The following SHQ1 variants were observed in gnomAD, a reference collection of about 807,000 sequenced individuals.
SHQ1 encodes SHQ1, H/ACA ribonucleoprotein assembly factor, also known as protein SHQ1 homolog.
Under a neutral mutation model 53.8 loss-of-function variants are expected in SHQ1, and 49 were observed. The ratio of observed to expected loss-of-function variants is 0.91; its 90% CI spans 0.72 to 1.16. The LOEUF (loss-of-function observed/expected upper bound fraction) is 1.16, where lower values mean the gene tolerates loss of function less well. SHQ1 is among the 50% of genes most tolerant of loss of function. The probability of loss-of-function intolerance (pLI) is 0.00; values close to 1 mark genes in which losing one functional copy is unlikely to be tolerated. For synonymous variants in SHQ1, 243 were observed against 251.0 expected (o/e 0.97, Z 0.30); for missense variants, 738 against 683.1 (o/e 1.08, Z -0.90).
At chr3:72,846,766 G>T (rs1212662130) in intron 1 of SHQ1, among the ~76,000 whole-genome samples, 20 of 152,224 alleles carry the variant, frequency 1.3e-4, no homozygotes, top group Admixed American at 1.3e-3. Flanking sequence ...GGGGACAAGA[G>T]TTGGGGGGGT....
chr3:72,745,754 G>C (rs1705247787), downstream of SHQ1, among the ~76,000 whole-genome samples: 1 of 151,962 alleles, frequency 6.6e-6, no homozygotes, highest in Admixed American at 6.6e-5. Flanking sequence ...CAGTCTCCTA[G>C]CACTGGAAGG....
intron 5 of SHQ1, among the ~76,000 whole-genome samples, chr3:72,828,037 A>G (rs1402903537): frequency 6.6e-6 from 1 of 152,024 alleles, no homozygotes; most frequent in Non-Finnish European, 1.5e-5. Flanking sequence ...TACAGGCGTG[A>G]GCCACCATGC....
chr3:72,834,766 G>C (rs974142880), intron 4 of SHQ1, among the ~76,000 whole-genome samples: 7 of 152,138 alleles, frequency 4.6e-5, no homozygotes, highest in African/African-American at 1.4e-4. Context: ...AAAAGTTCTG[G>C]ATCTACATCT....
At chr3:72,761,760 T>C (rs1167632211) in intron 10 of SHQ1, among the ~76,000 whole-genome samples, 1 of 151,992 alleles carries the variant, frequency 6.6e-6, no homozygotes, top group African/African-American at 2.4e-5. Context: ...CTTTGAGCCA[T>C]GGAGGACCAA....
chr3:72,791,093 A>G (rs1450576760), intron 10 of SHQ1, among the ~76,000 whole-genome samples: 1 of 152,196 alleles, frequency 6.6e-6, no homozygotes, highest in Non-Finnish European at 1.5e-5. Flanking sequence ...GCTAATAAAG[A>G]ATATCACAAA....
At chr3:72,725,830 T>C in the SHQ1 span, among the ~76,000 whole-genome samples, 1 of 152,170 alleles carries the variant, frequency 6.6e-6, no homozygotes, top group Non-Finnish European at 1.5e-5. Context: ...TTGTCTGTCC[T>C]GGCTGTTAGA....
At chr3:72,785,039 T>C (rs567352136) in intron 10 of SHQ1, among the ~76,000 whole-genome samples, 1 of 152,218 alleles carries the variant, frequency 6.6e-6, no homozygotes, top group South Asian at 2.1e-4. Flanking sequence ...GCCAATCACA[T>C]TCTTCCTCCC....
chr3:72,847,382 C>T (rs1305771043), intron 1 of SHQ1, among the ~76,000 whole-genome samples: 2 of 152,140 alleles, frequency 1.3e-5, no homozygotes, highest in African/African-American at 2.4e-5. Context: ...ATTGGCAATA[C>T]TTTAGGATGA....
chr3:72,725,277 C>T, the SHQ1 span, among the ~76,000 whole-genome samples: 1 of 152,080 alleles, frequency 6.6e-6, no homozygotes, highest in Admixed American at 6.5e-5. Flanking sequence ...CTGCACCACG[C>T]ACACTCAGGC....
In SHQ1 at chr3:72,848,206, G is replaced by A. The variant is rs753143764; in HGVS notation, c.135C>T (p.Tyr45=). The part of the protein sequence containing the change: ...GSDFKFYAKP[Y]FLRLTLPGRI... ...AGGCACCCCGAACTCGCCTGAGAAA[G>A]TATGGCTTGGCGTAGAACTTGAAGT... The change falls in exon 1 of 11, where the codon TAC becomes TAT. Residue 45 remains tyrosine (Y), a synonymous_variant. Transcript: ENST00000325599. 1.9e-6 allele frequency: 3 copies of A among 1,614,192 alleles called. No homozygotes were observed. Among genetic ancestry groups the A allele is most frequent in the Non-Finnish European group, 2.5e-6 (3 of 1,180,040 alleles).
chr3:72,731,635 C>A, the SHQ1 span, among the ~76,000 whole-genome samples: 1 of 151,068 alleles, frequency 6.6e-6, no homozygotes, highest in Non-Finnish European at 1.5e-5. Flanking sequence ...TTGTAGTGAG[C>A]CGAGATTGTG....
intron 10 of SHQ1, chr3:72,753,730 T>A: frequency 1.5e-6 from 1 of 675,572 alleles, no homozygotes; most frequent in Non-Finnish European, 1.8e-6. Context: ...ACCAAAGCAT[T>A]ATAACCCCTG....
At chr3:72,805,280 T>TTGTAA (rs1294841920) in intron 9 of SHQ1, among the ~76,000 whole-genome samples, 4 of 152,236 alleles carry the variant, frequency 2.6e-5, no homozygotes, top group Non-Finnish European at 5.9e-5. Context: ...TGGTACATAA[T>TTGTAA]TGTAATTCTT....
At chr3:72,838,335 C>T (rs1349271143) in intron 4 of SHQ1, among the ~76,000 whole-genome samples, 1 of 152,148 alleles carries the variant, frequency 6.6e-6, no homozygotes, top group Non-Finnish European at 1.5e-5. Flanking sequence ...TTAGAGTTTT[C>T]CCAAATGCTC....
At chr3:72,725,451 G>A in the SHQ1 span, among the ~76,000 whole-genome samples, 31 of 152,066 alleles carry the variant, frequency 2.0e-4, no homozygotes, top group African/African-American at 7.0e-4. Flanking sequence ...GGCCTCACAG[G>A]GCTGCTTCTT....
At chr3:72,796,677 G>A (rs934842480) in intron 9 of SHQ1, among the ~76,000 whole-genome samples, 4 of 151,020 alleles carry the variant, frequency 2.6e-5, no homozygotes, top group East Asian at 2.0e-4. Flanking sequence ...AAAATTAGTC[G>A]GGCATGGTGG....
intron 10 of SHQ1, among the ~76,000 whole-genome samples, chr3:72,786,142 C>T (rs2106772630): frequency 6.6e-6 from 1 of 152,330 alleles, no homozygotes; most frequent in Non-Finnish European, 1.5e-5. Flanking sequence ...TCACCTGCCT[C>T]TCAAATCTGA....
In SHQ1 at chr3:72,848,092, A is replaced by G. The variant is rs1575748301; in HGVS notation, c.143+106T>C. The G allele has an allele frequency of 4.3e-6, 6 of 1,392,858 alleles. No individual in the cohort carries two copies. The East Asian group carries it at 1.2e-4, about 27-fold the overall frequency. The allele number at this position is 1,392,858 out of a possible 1,614,324, so 86.3% of individuals were successfully genotyped here. Reference sequence around the variant, plus strand: ...AAGAGAAGCTGCGGAAACGTCGGGAAAAGGCATTCGCGCAATCGAGCACTG... The same window carrying G: ...AAGAGAAGCTGCGGAAACGTCGGGAGAAGGCATTCGCGCAATCGAGCACTG... On this transcript the variant is annotated intron_variant, in intron 1 of 10. Coordinates refer to ENST00000325599, the MANE Select transcript of SHQ1 (RefSeq NM_018130.3).
At chr3:72,820,062 C>A (rs1707431489) in intron 6 of SHQ1, among the ~76,000 whole-genome samples, 1 of 152,204 alleles carries the variant, frequency 6.6e-6, no homozygotes, top group Non-Finnish European at 1.5e-5. Context: ...TCCTAGTTGA[C>A]TAATAGACCC....
Sources: gnomAD v4.1 joint callset for allele counts (sites outside exome capture counted in the v4.1 genomes callset) on GRCh38, gnomAD v4.1.1 for gene constraint, MANE v1.5 for transcripts, NCBI Gene and HGNC (gene_info 2026-07-23, HGNC 2026-07-21) for gene names.